Variants in PDIA5 observed in about 807,000 individuals in gnomAD.
The protein encoded by PDIA5 is protein disulfide isomerase family A member 5, also known as protein disulfide-isomerase A5.
In PDIA5, 58 loss-of-function variants were observed where a neutral mutation model predicts 77.6. That is an observed-to-expected ratio of 0.75 (90% CI 0.61 to 0.93). PDIA5 has a LOEUF of 0.93. Among genes scored for constraint, PDIA5 ranks in the 40% least tolerant of loss-of-function variants. The probability of loss-of-function intolerance (pLI) is 0.00; values close to 1 mark genes in which losing one functional copy is unlikely to be tolerated. For missense variants in PDIA5, 630 were observed against 647.7 expected (o/e 0.97, Z 0.30); for synonymous variants, 250 against 252.1 (o/e 0.99, Z 0.08).
At chr3:123,093,597 T>C (rs938650787) in intron 3 of PDIA5, among the ~76,000 whole-genome samples, 8 of 152,220 alleles carry the variant, frequency 5.3e-5, no homozygotes, top group Non-Finnish European at 1.0e-4. Flanking sequence ...TGTCTCCACC[T>C]GGGTCCATGT....
rs556089891 is a variant in PDIA5 at position 123,094,241 on chromosome 3, T to C, written c.257+1799T>C. Among the ~76,000 whole-genome samples the C allele has an allele frequency of 2.4e-4, 37 of 152,328 alleles. 1 individual carries two copies. The South Asian group carries it at 7.5e-3, about 31-fold the overall frequency. On this transcript the variant is annotated intron_variant, in intron 3 of 16. Coordinates refer to ENST00000316218, the MANE Select transcript of PDIA5 (RefSeq NM_006810.4). Reference sequence around the variant, plus strand: ...TTGAATTTATTCCTGTAAGAGGAAATAGAAACTGAAATGTTAGATAGCTTT... The same window carrying C: ...TTGAATTTATTCCTGTAAGAGGAAACAGAAACTGAAATGTTAGATAGCTTT...
At chr3:123,068,046 G>C (rs1933625023) in intron 1 of PDIA5, among the ~76,000 whole-genome samples, 1 of 152,188 alleles carries the variant, frequency 6.6e-6, no homozygotes, top group Admixed American at 6.5e-5. Flanking sequence ...GGGTGTGCCT[G>C]CCGGCCCAGG....
intron 11 of PDIA5, among the ~76,000 whole-genome samples, chr3:123,143,184 G>A (rs1399836285): frequency 6.6e-6 from 1 of 151,732 alleles, no homozygotes; most frequent in African/African-American, 2.4e-5. Context: ...AGGAGATCGA[G>A]ACCATCCTGG....
rs185669262 is a variant in PDIA5, at chr3:123,155,125, C to T, written c.1344+84C>T. On this transcript the variant is annotated intron_variant, in intron 15 of 16. Transcript: ENST00000316218. Reference sequence around the variant, plus strand: ...CTTGTCATTCAGGTCCTTCCCCAAACAGGGGCAGGTCTGCTAAGACCTGTA... The same window carrying T: ...CTTGTCATTCAGGTCCTTCCCCAAATAGGGGCAGGTCTGCTAAGACCTGTA... 90 of 957,518 alleles carry T rather than the reference C, an allele frequency of 9.4e-5. No homozygotes were observed. The East Asian group carries it at 2.1e-3, about 23-fold the overall frequency. The allele number at this position is 957,518 out of a possible 1,614,324, so 59.3% of individuals were successfully genotyped here.
intron 1 of PDIA5, among the ~76,000 whole-genome samples, chr3:123,087,615 G>T (rs1934175947): frequency 6.6e-6 from 1 of 151,872 alleles, no homozygotes; most frequent in Admixed American, 6.6e-5. Context: ...ATTTCTCTGA[G>T]AATAATAATT....
At chr3:123,146,014 T>C in intron 12 of PDIA5, 85 bp from the exon 13 acceptor site, 1 of 1,309,758 alleles carries the variant, frequency 7.6e-7, no homozygotes, top group Non-Finnish European at 1.1e-6. Context: ...CCAGGATGGG[T>C]TGTGGGGGCA....
At chr3:123,146,066 T>A (rs532148870) in intron 12 of PDIA5, 33 bp from the exon 13 acceptor site, 1 of 1,608,490 alleles carries the variant, frequency 6.2e-7, no homozygotes, top group Non-Finnish European at 8.5e-7. Context: ...CATCTGAGGC[T>A]GTAATGCATG....
intron 11 of PDIA5, chr3:123,144,485 T>G (rs762532162): frequency 6.6e-6 from 1 of 152,258 alleles, no homozygotes; most frequent in Non-Finnish European, 1.5e-5. Context: ...ATGAAAACAA[T>G]GTACAAATGT....
At chr3:123,101,468 A>G (rs1415395120) in intron 3 of PDIA5, among the ~76,000 whole-genome samples, 2 of 152,224 alleles carry the variant, frequency 1.3e-5, no homozygotes, top group Non-Finnish European at 2.9e-5. Context: ...TTATTGGAAG[A>G]GAGTGTAATA....
chr3:123,098,422 C>T (rs183142017), intron 3 of PDIA5, among the ~76,000 whole-genome samples: 10 of 152,216 alleles, frequency 6.6e-5, no homozygotes, highest in African/African-American at 2.4e-4. Flanking sequence ...GAGTGTGTCT[C>T]GAGTCTCTTG....
Position 123,110,468 on chromosome 3 carries a change from T to C in PDIA5, c.481-476T>C, listed in dbSNP as rs561967097. On this transcript the variant is annotated intron_variant, in intron 6 of 16. Coordinates refer to ENST00000316218, the MANE Select transcript of PDIA5 (RefSeq NM_006810.4). ...AACCCGTCTTCCCACAGTGAGCGGA[T>C]CCCCATCTGCCAAGTCAGGCACACA... Among the ~76,000 whole-genome samples the C allele has an allele frequency of 1.5e-4, 23 of 152,120 alleles. No individual in the cohort carries two copies. In the South Asian group the frequency reaches 4.4e-3, roughly 29 times the overall value.
At chr3:123,149,340 A>T (rs1384487941) in intron 13 of PDIA5, among the ~76,000 whole-genome samples, 1 of 152,232 alleles carries the variant, frequency 6.6e-6, no homozygotes, top group East Asian at 1.9e-4. Context: ...TGAGAATTGC[A>T]AGGGCTCAGA....
At chr3:123,107,879 G>A (rs1934773152) in intron 6 of PDIA5, among the ~76,000 whole-genome samples, 1 of 152,132 alleles carries the variant, frequency 6.6e-6, no homozygotes, top group Non-Finnish European at 1.5e-5. Context: ...ATAGCTCACT[G>A]TAACCTTGAA....
At chr3:123,079,175 CTTTTT>C (rs35252405) in intron 1 of PDIA5, among the ~76,000 whole-genome samples, 1 of 94,076 alleles carries the variant, frequency 1.1e-5, no homozygotes, top group African/African-American at 4.3e-5. Flanking sequence ...ATTTTGAATT[CTTTTT>C]TTTTTTTTTT....
At chr3:123,085,609 T>C (rs952690828) in intron 1 of PDIA5, among the ~76,000 whole-genome samples, 23 of 152,204 alleles carry the variant, frequency 1.5e-4, no homozygotes, top group Non-Finnish European at 5.9e-5. Context: ...GTTTCTCTTG[T>C]ACACACTTTG....
rs1935092346 is a variant in PDIA5, at chr3:123,120,634, T to C, written c.610-3432T>C. ...ACGTAGCTCCATGGAGCCCAAGTCC[T>C]TCCCCTAAGTGCCAGTGCCACGTGT... On this transcript the variant is annotated intron_variant, in intron 8 of 16. Transcript: ENST00000316218. Among the ~76,000 whole-genome samples the C allele has an allele frequency of 2.0e-5, 3 of 152,162 alleles. 1 individual carries two copies. In the South Asian group the frequency reaches 6.2e-4, roughly 32 times the overall value.
At chr3:123,115,634 A>G (rs1184875529) in intron 7 of PDIA5, among the ~76,000 whole-genome samples, 4 of 151,816 alleles carry the variant, frequency 2.6e-5, no homozygotes, top group Non-Finnish European at 5.9e-5. Context: ...CAGAGTCCGC[A>G]TGGCATCCCG....
chr3:123,138,495 C>G (rs942415896), intron 11 of PDIA5, among the ~76,000 whole-genome samples: 2 of 152,058 alleles, frequency 1.3e-5, no homozygotes, highest in Non-Finnish European at 2.9e-5. Context: ...CATTTTAATG[C>G]AAAAATATTT....
chr3:123,123,001 A>C (rs1162352884), intron 8 of PDIA5, among the ~76,000 whole-genome samples: 2 of 152,212 alleles, frequency 1.3e-5, no homozygotes, highest in African/African-American at 4.8e-5. Context: ...CTGGCTGGGC[A>C]TGCTGGCTCA....
Sources: allele counts gnomAD v4.1 joint callset (sites outside exome capture counted in the v4.1 genomes callset), GRCh38; gene constraint gnomAD v4.1.1; transcripts MANE v1.5; gene names NCBI Gene and HGNC (gene_info 2026-07-23, HGNC 2026-07-21).